Variants in MAGI2 observed in about 807,000 individuals in gnomAD.
The protein encoded by MAGI2 is membrane associated guanylate kinase, WW and PDZ domain containing 2, also known as membrane-associated guanylate kinase, WW and PDZ domain-containing protein 2.
Under a neutral mutation model 133.3 loss-of-function variants are expected in MAGI2, and 35 were observed. That is an observed-to-expected ratio of 0.26 (90% CI 0.20 to 0.35). MAGI2 has a LOEUF of 0.35. Among genes scored for constraint, MAGI2 ranks in the 10% least tolerant of loss-of-function variants. The pLI, the probability that MAGI2 is intolerant of heterozygous loss-of-function variation, is 1.00. For synonymous variants in MAGI2, 729 were observed against 710.6 expected, an observed-to-expected ratio of 1.03 and a Z score of -0.41; for missense variants, 1,636 against 1,863.4, an observed-to-expected ratio of 0.88 and a Z score of 2.25.
chr7:79,053,492 T>C (rs963084224), intron 1 of MAGI2, among the ~76,000 whole-genome samples: 9 of 152,184 alleles, frequency 5.9e-5, no homozygotes, highest in African/African-American at 1.9e-4. Context: ...TCACTAGTAG[T>C]AACTCCAATA....
chr7:78,077,403 A>AT (rs1815438083), intron 21 of MAGI2, among the ~76,000 whole-genome samples: 1 of 148,624 alleles, frequency 6.7e-6, no homozygotes, highest in Non-Finnish European at 1.5e-5. Context: ...GCTTATTGAT[A>AT]ATATATATAT....
chr7:79,130,949 A>C (rs1301944413), intron 1 of MAGI2, among the ~76,000 whole-genome samples: 1 of 152,106 alleles, frequency 6.6e-6, no homozygotes, highest in Non-Finnish European at 1.5e-5. Context: ...TCATTCACTC[A>C]CTCATTCATT....
At chr7:78,634,852 G>A (rs1027141583) in intron 2 of MAGI2, among the ~76,000 whole-genome samples, 1 of 151,968 alleles carries the variant, frequency 6.6e-6, no homozygotes, top group East Asian at 1.9e-4. Context: ...TGTTTTGGTT[G>A]GGACTTTCCT....
intron 11 of MAGI2, 64 bp from the exon 12 acceptor site, chr7:78,195,127 C>T: frequency 7.3e-7 from 1 of 1,377,848 alleles, no homozygotes; most frequent in Non-Finnish European, 9.8e-7. Flanking sequence ...TCTCTTGTCA[C>T]CTTTAGGTTA....
chr7:78,812,153 T>A (rs1364632258), intron 2 of MAGI2, among the ~76,000 whole-genome samples: 2 of 152,170 alleles, frequency 1.3e-5, no homozygotes, highest in Non-Finnish European at 2.9e-5. Flanking sequence ...AGGAATGCTG[T>A]CCTGATGACA....
At chr7:78,460,579 G>A (rs1789865289) in intron 6 of MAGI2, among the ~76,000 whole-genome samples, 1 of 152,154 alleles carries the variant, frequency 6.6e-6, no homozygotes. Flanking sequence ...GGTCTAAGAA[G>A]GGGTGTTCAG....
intron 21 of MAGI2, chr7:78,078,652 GC>G: frequency 1.8e-6 from 1 of 544,214 alleles, no homozygotes; most frequent in Non-Finnish European, 3.2e-6. Flanking sequence ...TTTAAGTGGT[GC>G]TAGATCTCCT....
At chr7:78,654,749 A>ATATATATG (rs1491177965) in intron 2 of MAGI2, among the ~76,000 whole-genome samples, 2 of 97,824 alleles carry the variant, frequency 2.0e-5, no homozygotes, top group Non-Finnish European at 2.1e-5. Context: ...ATATATATAT[A>ATATATATG]GCATATATTT....
At chr7:78,578,783 T>C (rs1156451245) in intron 3 of MAGI2, among the ~76,000 whole-genome samples, 1 of 152,164 alleles carries the variant, frequency 6.6e-6, no homozygotes, top group Non-Finnish European at 1.5e-5. Flanking sequence ...TAACCACTGT[T>C]CATGACTCTC....
At chr7:78,268,867 T>C (rs1295217123) in intron 9 of MAGI2, among the ~76,000 whole-genome samples, 1 of 152,162 alleles carries the variant, frequency 6.6e-6, no homozygotes, top group East Asian at 1.9e-4. Flanking sequence ...ACACGTGCCA[T>C]GGTGGTTTGC....
intron 1 of MAGI2, among the ~76,000 whole-genome samples, chr7:79,264,813 C>G: frequency 6.6e-6 from 1 of 150,824 alleles, no homozygotes. Flanking sequence ...GAAGGGGAGC[C>G]GGAGTGTACA....
intron 13 of MAGI2, among the ~76,000 whole-genome samples, chr7:78,183,650 A>T (rs896156588): frequency 3.9e-5 from 6 of 152,094 alleles, no homozygotes; most frequent in South Asian, 2.1e-4. Flanking sequence ...CTACCACCTC[A>T]CATTCCTGGG....
chr7:78,224,382 T>A (rs2150849713), intron 10 of MAGI2, among the ~76,000 whole-genome samples: 1 of 152,294 alleles, frequency 6.6e-6, no homozygotes, highest in South Asian at 2.1e-4. Context: ...TGCTCTTTTT[T>A]TGACCAGGCG....
chr7:78,740,946 T>G (rs750981501), intron 2 of MAGI2, among the ~76,000 whole-genome samples: 6 of 152,148 alleles, frequency 3.9e-5, no homozygotes, highest in Non-Finnish European at 7.3e-5. Context: ...TGCCGCCCAA[T>G]TCAGACAGAA....
intron 1 of MAGI2, among the ~76,000 whole-genome samples, chr7:79,108,972 C>G (rs1163776038): frequency 6.6e-6 from 1 of 152,178 alleles, no homozygotes; most frequent in Non-Finnish European, 1.5e-5. Flanking sequence ...TGAGTAAAAA[C>G]TCCCTGAGGC....
intron 1 of MAGI2, among the ~76,000 whole-genome samples, chr7:79,134,576 C>G (rs1047827906): frequency 6.6e-6 from 1 of 152,144 alleles, no homozygotes; most frequent in East Asian, 1.9e-4. Context: ...TTCTCTATAT[C>G]GCACATACTT....
chr7:78,180,050 A>G lies in MAGI2; in HGVS notation c.2312-1948T>C, dbSNP rs150679406. On this transcript the variant is annotated intron_variant, in intron 13 of 21. Transcript: ENST00000354212. ...TTGCTCAATCACTGTTCAAACTTCT[A>G]CAAGTTGAGGATAATACAACTGCTC... Among the ~76,000 whole-genome samples, 433 of 152,322 alleles carry G rather than the reference A, an allele frequency of 2.8e-3. 2 individuals are homozygous for G. Among genetic ancestry groups the G allele is most frequent in the African/African-American group, 8.8e-3 (367 of 41,568 alleles).
intron 1 of MAGI2, among the ~76,000 whole-genome samples, chr7:79,214,442 T>TAA (rs1554406785): frequency 1.1e-3 from 118 of 110,544 alleles, no homozygotes; most frequent in Non-Finnish European, 1.5e-3. Flanking sequence ...TATATATATA[T>TAA]AAATATGCAC....
At chr7:78,039,502 C>T (rs913328952) in intron 21 of MAGI2, 1 of 151,920 alleles carries the variant, frequency 6.6e-6, no homozygotes, top group African/African-American at 2.4e-5. Flanking sequence ...GTACCCATCA[C>T]AATGAAAAAG....
Sources: gnomAD v4.1 joint callset for allele counts (sites outside exome capture counted in the v4.1 genomes callset) on GRCh38, gnomAD v4.1.1 for gene constraint, MANE v1.5 for transcripts, NCBI Gene and HGNC (gene_info 2026-07-23, HGNC 2026-07-21) for gene names.